Variants in UBE2D3 observed in about 807,000 individuals in gnomAD.
UBE2D3 encodes the protein ubiquitin-conjugating enzyme E2 D3.
UBE2D3 carries 2 observed loss-of-function variants against 22.8 expected under a neutral mutation model. The observed-to-expected ratio is 0.09, with a 90% CI of 0.04 to 0.28. The LOEUF (loss-of-function observed/expected upper bound fraction) is 0.28. UBE2D3 is among the 10% of genes least tolerant of loss of function. The pLI, the probability that UBE2D3 is intolerant of heterozygous loss-of-function variation, is 1.00. For missense variants in UBE2D3, 27 were observed against 182.5 expected (o/e 0.15, Z 4.91); for synonymous variants, 56 against 60.4 (o/e 0.93, Z 0.34).
intron 2 of UBE2D3, among the ~76,000 whole-genome samples, chr4:102,814,888 T>C (rs757629309): frequency 5.9e-5 from 9 of 152,174 alleles, no homozygotes; most frequent in Admixed American, 2.6e-4. Context: ...AAAAATGTCT[T>C]TGTAAGCATC....
intron 1 of UBE2D3, among the ~76,000 whole-genome samples, chr4:102,857,692 A>G (rs1363870994): frequency 6.6e-6 from 1 of 152,020 alleles, no homozygotes; most frequent in Non-Finnish European, 1.5e-5. Context: ...TTTAAATTCA[A>G]TTTTATTTTG....
chr4:102,826,910 G>C, intron 1 of UBE2D3: 1 of 1,027,348 alleles, frequency 9.7e-7, no homozygotes, highest in Non-Finnish European at 1.2e-6. Flanking sequence ...TGCGGGGCAG[G>C]GTCCGGAGCC....
intron 2 of UBE2D3, 146 bp downstream of exon 2, chr4:102,826,339 G>A (rs1317112206): frequency 9.6e-7 from 1 of 1,039,318 alleles, no homozygotes; most frequent in Non-Finnish European, 1.4e-6. Flanking sequence ...TCTTCAAGAA[G>A]TATATCTGCG....
At chr4:102,859,288 G>A (rs1732768881) in intron 1 of UBE2D3, among the ~76,000 whole-genome samples, 1 of 152,026 alleles carries the variant, frequency 6.6e-6, no homozygotes, top group East Asian at 1.9e-4. Context: ...AGTCTTATAG[G>A]AGCTCCCTTG....
chr4:102,860,552 T>C lies in UBE2D3; in HGVS notation c.-129+8163A>G, dbSNP rs60527954. 1.9e-3 allele frequency among the ~76,000 whole-genome samples: 285 copies of C among 151,994 alleles called. 3 individuals are homozygous for C. Among genetic ancestry groups the C allele is most frequent in the African/African-American group, 6.6e-3 (276 of 41,508 alleles). ...GTTCACCAGTCAGCCTGACTAGAGA[T>C]TCTGAAGGTCTCTCAGACCTTTTCT... On this transcript the variant is annotated intron_variant, in intron 1 of 7. Coordinates refer to the UBE2D3 transcript ENST00000338145.
chr4:102,856,435 A>T (rs1452830657), intron 1 of UBE2D3, among the ~76,000 whole-genome samples: 1 of 152,240 alleles, frequency 6.6e-6, no homozygotes, highest in African/African-American at 2.4e-5. Context: ...ATTGGATCTT[A>T]TGATGCTTTT....
intron 1 of UBE2D3, among the ~76,000 whole-genome samples, chr4:102,835,240 C>A (rs530515973): frequency 1.3e-5 from 2 of 152,296 alleles, no homozygotes; most frequent in South Asian, 4.1e-4. Flanking sequence ...ATTTTCTGAA[C>A]ATACATACTT....
chr4:102,798,212 C>T (rs960371977), intron 7 of UBE2D3, among the ~76,000 whole-genome samples: 1 of 145,086 alleles, frequency 6.9e-6, no homozygotes, highest in African/African-American at 2.6e-5. Context: ...TATCAGCTTC[C>T]CCCTGGATTA....
At chr4:102,841,346 A>G (rs1395156890) in intron 1 of UBE2D3, among the ~76,000 whole-genome samples, 1 of 152,168 alleles carries the variant, frequency 6.6e-6, no homozygotes, top group East Asian at 1.9e-4. Flanking sequence ...TTCAGTTTTT[A>G]GTTACTGCTG....
intron 2 of UBE2D3, among the ~76,000 whole-genome samples, chr4:102,814,296 CT>C (rs35501552): frequency 0.54 from 79,254 of 146,024 alleles, 21,706 homozygotes; most frequent in African/African-American, 0.67. Flanking sequence ...AAGAAAATGA[CT>C]TTTTTTTTTG....
At chr4:102,800,245 A>G (rs1235777367) in intron 6 of UBE2D3, among the ~76,000 whole-genome samples, 4 of 151,864 alleles carry the variant, frequency 2.6e-5, no homozygotes, top group Non-Finnish European at 5.9e-5. Context: ...AAAAAAAGCA[A>G]TAGTATAAAA....
chr4:102,816,213 T>G (rs111453083), intron 2 of UBE2D3, among the ~76,000 whole-genome samples: 3 of 152,340 alleles, frequency 2.0e-5, no homozygotes, highest in African/African-American at 7.2e-5. Flanking sequence ...TATTTGGACA[T>G]GACTAACCAC....
At chr4:102,820,402 T>G (rs1471145794) in intron 2 of UBE2D3, among the ~76,000 whole-genome samples, 1 of 152,200 alleles carries the variant, frequency 6.6e-6, no homozygotes, top group Non-Finnish European at 1.5e-5. Flanking sequence ...CATTTTAATT[T>G]GAAATTTCTT....
Position 102,826,417 on chromosome 4 carries a change from C to T in UBE2D3, c.24+68G>A. The T allele has an allele frequency of 3.1e-6, 5 of 1,595,280 alleles. No homozygotes were observed. In the Admixed American group the frequency reaches 8.6e-5, roughly 27 times the overall value. On this transcript the variant is annotated intron_variant, in intron 2 of 7. Transcript: ENST00000453744. ...CAGAATTATGCTTCCTTCCCACCCC[C>T]ACGCTTTCCTCTTGGCCCGAGCCTT...
At chr4:102,800,786 T>G (rs1457728624) in intron 6 of UBE2D3, among the ~76,000 whole-genome samples, 2 of 152,164 alleles carry the variant, frequency 1.3e-5, no homozygotes, top group Middle Eastern at 3.4e-3. Context: ...TTGAAAAAGC[T>G]TTTTTGTACT....
intron 1 of UBE2D3, chr4:102,826,985 G>C (rs1401294691): frequency 2.0e-5 from 20 of 997,486 alleles, no homozygotes; most frequent in Non-Finnish European, 2.4e-5. Flanking sequence ...AGAAAGGCAA[G>C]GGGGGAGGGG....
At chr4:102,857,216 GT>G (rs1352309147) in intron 1 of UBE2D3, among the ~76,000 whole-genome samples, 1 of 152,088 alleles carries the variant, frequency 6.6e-6, no homozygotes, top group African/African-American at 2.4e-5. Context: ...TCTTTAAAAA[GT>G]CTTTGAAAAA....
Position 102,810,065 on chromosome 4 carries a change from A to C in UBE2D3, c.25-210T>G, listed in dbSNP as rs1727708410. 12 of 514,054 alleles carry C rather than the reference A, an allele frequency of 2.3e-5. No individual in the cohort carries two copies. In the South Asian group the frequency reaches 3.9e-4, roughly 17 times the overall value. The allele number at this position is 514,054 out of a possible 1,614,324, so 31.8% of individuals were successfully genotyped here. A position where few individuals can be genotyped will look rare whatever the true frequency, so the allele number is the denominator to read the frequency against. On this transcript the variant is annotated intron_variant, in intron 2 of 7. Coordinates refer to ENST00000453744, the MANE Select transcript of UBE2D3 (RefSeq NM_181891.3). Reference sequence around the variant, plus strand: ...CTAGAGTTCGTAAAAATATATATGCAAACACATTGATACAAAATTTTTTAT... The same window carrying C: ...CTAGAGTTCGTAAAAATATATATGCCAACACATTGATACAAAATTTTTTAT...
upstream of UBE2D3, among the ~76,000 whole-genome samples, chr4:102,832,509 A>G (rs146302183): frequency 5.3e-4 from 80 of 152,282 alleles, no homozygotes; most frequent in African/African-American, 1.7e-3. Flanking sequence ...CATGTGCCCA[A>G]AGTATGTATT....
Sources: gnomAD v4.1 joint callset for allele counts (sites outside exome capture counted in the v4.1 genomes callset) on GRCh38, gnomAD v4.1.1 for gene constraint, MANE v1.5 for transcripts, NCBI Gene and HGNC (gene_info 2026-07-23, HGNC 2026-07-21) for gene names.